Variants in BLTP1 observed in about 807,000 individuals in gnomAD.
BLTP1 encodes the protein bridge-like lipid transfer protein family member 1, also known as fragile site-associated protein.
At chr4:122,336,154 T>C in the BLTP1 span, 1 of 1,519,848 alleles carries the variant, frequency 6.6e-7, no homozygotes, top group Middle Eastern at 1.8e-4. Context: ...TTGGAACTTT[T>C]TATAAAATCC....
chr4:122,238,869 C>T, the BLTP1 span, among the ~76,000 whole-genome samples: 1 of 152,104 alleles, frequency 6.6e-6, no homozygotes, highest in Non-Finnish European at 1.5e-5. Flanking sequence ...TTTTTCTCCA[C>T]TTACTCTATA....
At chr4:122,157,831 A>G in the BLTP1 span, among the ~76,000 whole-genome samples, 1 of 152,192 alleles carries the variant, frequency 6.6e-6, no homozygotes, top group Non-Finnish European at 1.5e-5. Context: ...GGAATTGGCT[A>G]TTATGTGGAT....
chr4:122,334,498 G>T, the BLTP1 span: 2 of 1,612,680 alleles, frequency 1.2e-6, no homozygotes, highest in Non-Finnish European at 1.7e-6. Flanking sequence ...ACTGTCCAGA[G>T]CAAGACTAAC....
chr4:122,250,295 A>T, the BLTP1 span: 1 of 1,463,336 alleles, frequency 6.8e-7, no homozygotes, highest in Admixed American at 1.9e-5. Context: ...TTATACAGAT[A>T]TTGTAGAGTA....
chr4:122,221,517 C>A, the BLTP1 span, among the ~76,000 whole-genome samples: 2 of 151,986 alleles, frequency 1.3e-5, no homozygotes, highest in African/African-American at 4.8e-5. Context: ...ATTATAGTAT[C>A]AAAACAAGGA....
chr4:122,209,277 C>CT, the BLTP1 span: 1 of 1,612,732 alleles, frequency 6.2e-7, no homozygotes, highest in Non-Finnish European at 8.5e-7. Flanking sequence ...GGTATTCCTG[C>CT]TGAGTGTCAA....
the BLTP1 span, chr4:122,339,452 C>T: frequency 1.4e-5 from 20 of 1,385,130 alleles, no homozygotes; most frequent in Non-Finnish European, 2.0e-5. Flanking sequence ...AAGCCAAATA[C>T]TATTTTTAAA....
chr4:122,181,018 A>G, the BLTP1 span, among the ~76,000 whole-genome samples: 2 of 152,240 alleles, frequency 1.3e-5, no homozygotes, highest in Non-Finnish European at 2.9e-5. Flanking sequence ...CTATTTATTC[A>G]GATCCATATT....
the BLTP1 span, among the ~76,000 whole-genome samples, chr4:122,320,575 GCT>G: frequency 2.0e-5 from 3 of 152,028 alleles, no homozygotes; most frequent in South Asian, 4.2e-4. Flanking sequence ...TTTGAAATCT[GCT>G]CTGTCTGAAA....
chr4:122,152,348 C>G, the BLTP1 span: 1 of 985,738 alleles, frequency 1.0e-6, no homozygotes, highest in Non-Finnish European at 1.2e-6. Context: ...CGCCCGGCCT[C>G]GGTTGGGACC....
the BLTP1 span, chr4:122,207,937 A>G: frequency 3.1e-6 from 3 of 983,180 alleles, no homozygotes; most frequent in Non-Finnish European, 3.6e-6. Flanking sequence ...TTACTAATTC[A>G]TATGAACTAA....
chr4:122,162,066 T>C, the BLTP1 span, among the ~76,000 whole-genome samples: 1 of 152,220 alleles, frequency 6.6e-6, no homozygotes, highest in South Asian at 2.1e-4. Context: ...GCATTTTCTA[T>C]ATTGTTAGAC....
the BLTP1 span, chr4:122,302,288 C>G: frequency 3.1e-6 from 3 of 973,154 alleles, no homozygotes; most frequent in East Asian, 1.1e-4. Context: ...TTAGACATAT[C>G]CTATACAGGC....
At chr4:122,189,217 A>G in the BLTP1 span, 5 of 825,694 alleles carry the variant, frequency 6.1e-6, no homozygotes, top group Non-Finnish European at 7.3e-6. Flanking sequence ...AAGCTTTGTG[A>G]TTTAATACAT....
At chr4:122,234,762 G>T in the BLTP1 span, 2 of 1,549,816 alleles carry the variant, frequency 1.3e-6, no homozygotes, top group East Asian at 2.3e-5. Flanking sequence ...TTTCTTTTGG[G>T]GTCGGTTTAG....
At chr4:122,341,355 G>A in the BLTP1 span, among the ~76,000 whole-genome samples, 1 of 151,986 alleles carries the variant, frequency 6.6e-6, no homozygotes, top group African/African-American at 2.4e-5. Flanking sequence ...TCAATGTGAT[G>A]GATTAAATTT....
the BLTP1 span, among the ~76,000 whole-genome samples, chr4:122,212,776 T>G: frequency 6.6e-6 from 1 of 152,232 alleles, no homozygotes; most frequent in South Asian, 2.1e-4. Context: ...TACAGACTTT[T>G]GTGCATTAAA....
At chr4:122,334,584 A>G in the BLTP1 span, 1 of 1,592,218 alleles carries the variant, frequency 6.3e-7, no homozygotes, top group Non-Finnish European at 8.6e-7. Flanking sequence ...TGTCATTTTA[A>G]AAATTTTTAG....
chr4:122,328,848 C>A, the BLTP1 span: 2 of 766,368 alleles, frequency 2.6e-6, no homozygotes, highest in Non-Finnish European at 3.2e-6. Flanking sequence ...TCTGAATATG[C>A]CCTCAAGAGG....
Sources: gnomAD v4.1 joint callset for allele counts (sites outside exome capture counted in the v4.1 genomes callset) on GRCh38, gnomAD v4.1.1 for gene constraint, MANE v1.5 for transcripts, NCBI Gene and HGNC (gene_info 2026-07-23, HGNC 2026-07-21) for gene names.